MAL: variants seen among roughly 807,000 people sequenced by gnomAD.
MAL encodes myelin and lymphocyte protein.
MAL carries 5 observed loss-of-function variants against 16.7 expected under a neutral mutation model. That is an observed-to-expected ratio of 0.30 (90% confidence interval 0.16 to 0.63). The LOEUF is 0.63. Among genes scored for constraint, MAL ranks in the 30% least tolerant of loss-of-function variants. The pLI is 0.82. For missense variants in MAL, 202 were observed against 195.8 expected (o/e 1.03, Z -0.19); for synonymous variants, 96 against 85.5 (o/e 1.12, Z -0.67).
intron 1 of MAL, among the ~76,000 whole-genome samples, chr2:95,035,419 TA>T (rs1448730016): frequency 1.3e-5 from 2 of 152,152 alleles, no homozygotes; most frequent in African/African-American, 4.8e-5. Flanking sequence ...AAGACATGCC[TA>T]TCAGAAAGCC....
chr2:95,048,641 T>TTGA (rs1674644175), intron 2 of MAL, among the ~76,000 whole-genome samples: 1 of 152,190 alleles, frequency 6.6e-6, no homozygotes, highest in African/African-American at 2.4e-5. Flanking sequence ...AAATTCTGCT[T>TTGA]TGAGACCCAT....
intron 1 of MAL, among the ~76,000 whole-genome samples, chr2:95,045,152 G>C (rs1345802978): frequency 6.6e-6 from 1 of 152,210 alleles, no homozygotes; most frequent in African/African-American, 2.4e-5. Flanking sequence ...GCTCCACCCT[G>C]AGCCCTTCTT....
At chr2:95,041,682 C>T (rs1674469537) in intron 1 of MAL, among the ~76,000 whole-genome samples, 1 of 152,162 alleles carries the variant, frequency 6.6e-6, no homozygotes, top group African/African-American at 2.4e-5. Flanking sequence ...ACTCGTCAAC[C>T]CTGGCTCCCA....
intron 1 of MAL, among the ~76,000 whole-genome samples, chr2:95,033,735 A>G (rs1674141420): frequency 6.6e-6 from 1 of 152,136 alleles, no homozygotes; most frequent in Non-Finnish European, 1.5e-5. Context: ...CTGTGATCGC[A>G]TCACTGCCCT....
At chr2:95,031,926 G>A (rs1328465780) in intron 1 of MAL, among the ~76,000 whole-genome samples, 1 of 152,232 alleles carries the variant, frequency 6.6e-6, no homozygotes, top group Non-Finnish European at 1.5e-5. Context: ...GCTTTGGTGA[G>A]GACTCAGTAA....
intron 1 of MAL, among the ~76,000 whole-genome samples, chr2:95,043,595 C>T (rs186061840): frequency 7.9e-4 from 121 of 152,322 alleles, no homozygotes; most frequent in African/African-American, 2.7e-3. Context: ...CAGAGAAGAC[C>T]GCGGCAAAGG....
intron 1 of MAL, 22 bp from the exon 2 acceptor site, chr2:95,047,937 C>T: frequency 1.9e-6 from 3 of 1,608,832 alleles, no homozygotes; most frequent in East Asian, 2.2e-5. Context: ...GGCCAAAACT[C>T]ACCCCTCCTC....
Position 95,034,637 on chromosome 2 carries a change from G to C in MAL, c.93+8752G>C, listed in dbSNP as rs564135802. On this transcript the variant is annotated intron_variant, in intron 1 of 3. Transcript: ENST00000309988. The stretch of plus-strand genomic sequence containing the variant: ...CCCCCAGCCTCCATCCTGGCCCCCA[G>C]CTGCTTGGCAGGAGGGCATAGTTGG... Among the ~76,000 whole-genome samples, 51 of 152,270 alleles carry C rather than the reference G, an allele frequency of 3.3e-4. 1 individual carries two copies. In the South Asian group the frequency reaches 0.01, roughly 31 times the overall value.
chr2:95,038,179 ACT>A (rs1674299292), intron 1 of MAL, among the ~76,000 whole-genome samples: 3 of 146,184 alleles, frequency 2.1e-5, no homozygotes, highest in Non-Finnish European at 3.0e-5. Context: ...TGACTGAGTG[ACT>A]GTGTGAGTTA....
chr2:95,048,544 C>G (rs1247176944), intron 2 of MAL, among the ~76,000 whole-genome samples: 1 of 152,230 alleles, frequency 6.6e-6, no homozygotes, highest in Non-Finnish European at 1.5e-5. Context: ...GCCATGCTTA[C>G]TGTCCAGCTC....
At chr2:95,051,711 A>C (rs1270584814) in intron 3 of MAL, 1 of 152,188 alleles carries the variant, frequency 6.6e-6, no homozygotes, top group Non-Finnish European at 1.5e-5. Context: ...ATAGACACGA[A>C]TATGTTCACG....
rs571471087 is a variant in MAL at position 95,026,075 on chromosome 2, A to C, written c.93+190A>C. Among the ~76,000 whole-genome samples, 7 of 152,256 alleles carry C rather than the reference A, an allele frequency of 4.6e-5. No homozygotes were observed. In the East Asian group the frequency reaches 1.4e-3, roughly 30 times the overall value. The stretch of plus-strand genomic sequence containing the variant: ...CCGGTCCTTTGTGCCCTTCTAGACC[A>C]ACAGAATGAGGGGAACAGTCTACAG... On this transcript the variant is annotated intron_variant, in intron 1 of 3. Transcript: ENST00000309988.
intron 3 of MAL, among the ~76,000 whole-genome samples, chr2:95,050,571 G>A (rs1282820371): frequency 7.9e-5 from 12 of 152,168 alleles, no homozygotes; most frequent in Admixed American, 7.9e-4. Context: ...GCTGAGAGAA[G>A]ACCCACAGAT....
chr2:95,025,876 C>A lies in MAL; in HGVS notation c.84C>A (p.Ile28=). The A allele has an allele frequency of 6.4e-7, 1 of 1,566,944 alleles. No homozygotes were observed. The highest frequency in any genetic ancestry group is 1.2e-5 in the South Asian group (1 of 84,118). ...VFTTLPDLLF[I]FEFIFGGLVW... ...CCACCTTGCCCGACTTGCTCTTCAT[C>A]TTTGAGTTTGTGAGTGGCTCCTGGC... Residue 28 remains isoleucine (I), a synonymous_variant, in exon 1 of 4, where the codon ATC becomes ATA. Coordinates refer to ENST00000309988, the MANE Select transcript of MAL (RefSeq NM_002371.4). This position sits in a 1 kb window ranked among gnomAD's most constrained non-coding sequence, Gnocchi z 5.6.
At chr2:95,049,777 GC>G in intron 3 of MAL, 71 bp downstream of exon 3, 1 of 1,590,232 alleles carries the variant, frequency 6.3e-7, no homozygotes, top group South Asian at 1.1e-5. Flanking sequence ...TGTGGAGGCT[GC>G]CTAGGCCCTT....
At position 95,050,941 on chromosome 2, in the gene MAL, C is replaced by G. The variant is rs574449839; in HGVS notation, c.387+1235C>G. Reference sequence around the variant, plus strand: ...TCACACAATTCCATCTCATCTCCCTCTCCCAAGACTGCCTCATACCTCCCC... The same window carrying G: ...TCACACAATTCCATCTCATCTCCCTGTCCCAAGACTGCCTCATACCTCCCC... On this transcript the variant is annotated intron_variant, in intron 3 of 3. Coordinates refer to ENST00000309988, the MANE Select transcript of MAL (RefSeq NM_002371.4). Among the ~76,000 whole-genome samples, 5 of 152,228 alleles carry G rather than the reference C, an allele frequency of 3.3e-5. No homozygotes were observed. In the South Asian group the frequency reaches 6.2e-4, roughly 19 times the overall value.
intron 1 of MAL, among the ~76,000 whole-genome samples, chr2:95,039,764 T>C (rs1300525309): frequency 6.6e-6 from 1 of 151,974 alleles, no homozygotes; most frequent in African/African-American, 2.4e-5. Context: ...AGTGAGTGAC[T>C]GAGTGAGTGA....
chr2:95,053,567 A>C lies in MAL; in HGVS notation c.*112A>C. The stretch of plus-strand genomic sequence containing the variant: ...CCCTTGATGGTGGAAAAAAGAAAAC[A>C]ACCACCCCCCCACTGCCCAAAAAAA... On this transcript the variant is annotated 3_prime_UTR_variant, in exon 4 of 4. Transcript: ENST00000309988. 9.7e-6 allele frequency: 8 copies of C among 823,758 alleles called. No homozygotes were observed. The highest frequency in any genetic ancestry group is 1.6e-5 in the South Asian group (1 of 63,488). The allele number at this position is 823,758 out of a possible 1,614,324, so 51.0% of individuals were successfully genotyped here.
At chr2:95,034,107 G>T (rs1030944834) in intron 1 of MAL, among the ~76,000 whole-genome samples, 1 of 152,208 alleles carries the variant, frequency 6.6e-6, no homozygotes, top group South Asian at 2.1e-4. Context: ...TTTGCCATAG[G>T]TGCCCTCTGT....
Sources: allele counts gnomAD v4.1 joint callset (sites outside exome capture counted in the v4.1 genomes callset), GRCh38; gene constraint gnomAD v4.1.1; non-coding constraint Gnocchi (gnomAD v3.1); transcripts MANE v1.5; gene names NCBI Gene and HGNC (gene_info 2026-07-23, HGNC 2026-07-21).